The following RPS6KC1 variants were observed in gnomAD, a reference collection of about 807,000 sequenced individuals.
RPS6KC1 encodes the protein inactive ribosomal protein S6 kinase delta-1.
RPS6KC1 carries 54 observed loss-of-function variants against 103.8 expected under a neutral mutation model. The observed-to-expected ratio is 0.52, with a 90% CI of 0.42 to 0.65. The LOEUF (loss-of-function observed/expected upper bound fraction) is 0.65, where lower values mean the gene tolerates loss of function less well. RPS6KC1 is among the 30% of genes least tolerant of loss of function. RPS6KC1 has a pLI of 0.00. For synonymous variants in RPS6KC1, 439 were observed against 438.7 expected (o/e 1.00, Z -0.01); for missense variants, 1,151 against 1,253.8 (o/e 0.92, Z 1.24).
chr1:213,608,548 G>C, the RPS6KC1 span, among the ~76,000 whole-genome samples: 1 of 152,002 alleles, frequency 6.6e-6, no homozygotes, highest in South Asian at 2.1e-4. Context: ...TCGCTTCCTC[G>C]TGGAAACATA....
rs192861988 is a variant in RPS6KC1 at position 213,105,819 on chromosome 1, T to G, written c.378+1250T>G. Among the ~76,000 whole-genome samples, 5 of 152,348 alleles carry G rather than the reference T, an allele frequency of 3.3e-5. No homozygotes were observed. In the East Asian group the frequency reaches 9.6e-4, roughly 29 times the overall value. ...CTCTTTGCTGTTCTTTGTTAATAAT[T>G]GTTTCTATGTGTCAGGGAGTCTGTT... On this transcript the variant is annotated intron_variant, in intron 4 of 14. Coordinates refer to ENST00000366960, the MANE Select transcript of RPS6KC1 (RefSeq NM_012424.6).
chr1:213,790,085 G>A, the RPS6KC1 span, among the ~76,000 whole-genome samples: 3 of 152,204 alleles, frequency 2.0e-5, no homozygotes, highest in African/African-American at 7.2e-5. Context: ...GCTGACTGAG[G>A]AGGAGAGTTT....
chr1:213,272,232 A>G (rs945107232), intron 14 of RPS6KC1, among the ~76,000 whole-genome samples: 2 of 152,210 alleles, frequency 1.3e-5, no homozygotes, highest in African/African-American at 4.8e-5. Context: ...TAGGAAATTG[A>G]TAGGTATAAC....
chr1:213,334,475 C>T, the RPS6KC1 span, among the ~76,000 whole-genome samples: 1 of 152,326 alleles, frequency 6.6e-6, no homozygotes, highest in East Asian at 1.9e-4. Flanking sequence ...GTATCAGCAA[C>T]TCAGCTTTTC....
chr1:213,284,658 T>C, the RPS6KC1 span, among the ~76,000 whole-genome samples: 1 of 152,222 alleles, frequency 6.6e-6, no homozygotes, highest in South Asian at 2.1e-4. Flanking sequence ...ATGGAACTTG[T>C]TTAGTAGATC....
the RPS6KC1 span, among the ~76,000 whole-genome samples, chr1:213,678,273 G>A: frequency 6.6e-6 from 1 of 152,024 alleles, no homozygotes; most frequent in Non-Finnish European, 1.5e-5. Flanking sequence ...AAGGAAACAT[G>A]TGTTCAGAAG....
the RPS6KC1 span, among the ~76,000 whole-genome samples, chr1:213,430,223 C>T: frequency 6.6e-6 from 1 of 152,194 alleles, no homozygotes; most frequent in African/African-American, 2.4e-5. Context: ...TCGAGTCTAT[C>T]ATGATTCTTA....
the RPS6KC1 span, among the ~76,000 whole-genome samples, chr1:213,737,036 C>T: frequency 6.6e-6 from 1 of 152,210 alleles, no homozygotes; most frequent in Non-Finnish European, 1.5e-5. Context: ...CAGAGCAAAC[C>T]AGCTCCCGGC....
the RPS6KC1 span, among the ~76,000 whole-genome samples, chr1:213,431,424 T>C: frequency 3.3e-5 from 5 of 152,174 alleles, no homozygotes; most frequent in South Asian, 8.3e-4. Flanking sequence ...AGAAACTTAG[T>C]GGCTGCTCAC....
At chr1:213,681,783 G>C in the RPS6KC1 span, among the ~76,000 whole-genome samples, 1 of 152,152 alleles carries the variant, frequency 6.6e-6, no homozygotes, top group African/African-American at 2.4e-5. Flanking sequence ...GGGTGACAGA[G>C]TGAGACTGTC....
the RPS6KC1 span, among the ~76,000 whole-genome samples, chr1:213,762,188 C>T: frequency 1.2e-4 from 18 of 152,126 alleles, no homozygotes; most frequent in African/African-American, 4.3e-4. Context: ...GCAGTGCCCT[C>T]TGCCTAGCGT....
the RPS6KC1 span, among the ~76,000 whole-genome samples, chr1:213,811,301 G>A: frequency 6.6e-6 from 1 of 152,118 alleles, no homozygotes; most frequent in African/African-American, 2.4e-5. Flanking sequence ...ATTGAACGTG[G>A]CGGGGCTCGC....
chr1:213,854,618 T>C, the RPS6KC1 span, among the ~76,000 whole-genome samples: 1 of 151,706 alleles, frequency 6.6e-6, no homozygotes, highest in South Asian at 2.1e-4. Flanking sequence ...TCTACTCTTT[T>C]ATTCACCCTC....
chr1:213,668,216 G>A, the RPS6KC1 span, among the ~76,000 whole-genome samples: 1 of 151,304 alleles, frequency 6.6e-6, no homozygotes, highest in South Asian at 2.1e-4. Flanking sequence ...GACAGCTAAA[G>A]CCTTACAAAA....
At chr1:213,314,585 G>T in the RPS6KC1 span, among the ~76,000 whole-genome samples, 13 of 151,886 alleles carry the variant, frequency 8.6e-5, no homozygotes, top group South Asian at 2.7e-3. Context: ...CCTACCAAAG[G>T]CTCTGAGGAA....
At chr1:213,174,817 T>A (rs2091756130) in intron 7 of RPS6KC1, among the ~76,000 whole-genome samples, 1 of 151,698 alleles carries the variant, frequency 6.6e-6, no homozygotes, top group Non-Finnish European at 1.5e-5. Flanking sequence ...AATATATCCG[T>A]TTTTTTTATG....
the RPS6KC1 span, among the ~76,000 whole-genome samples, chr1:213,552,985 C>T: frequency 0.22 from 34,065 of 151,610 alleles, 3,913 homozygotes; most frequent in East Asian, 0.4. Flanking sequence ...GCAGATATTA[C>T]CATTCTTTTT....
the RPS6KC1 span, among the ~76,000 whole-genome samples, chr1:213,654,195 C>T: frequency 1.3e-5 from 2 of 152,188 alleles, no homozygotes; most frequent in Non-Finnish European, 2.9e-5. Flanking sequence ...AAATATATTT[C>T]TATCCCTGTC....
the RPS6KC1 span, among the ~76,000 whole-genome samples, chr1:213,451,415 G>A: frequency 6.6e-6 from 1 of 152,164 alleles, no homozygotes; most frequent in African/African-American, 2.4e-5. Context: ...ACTTATTCCA[G>A]GCCTGAAGGA....
Sources: gnomAD v4.1 joint callset for allele counts (sites outside exome capture counted in the v4.1 genomes callset) on GRCh38, gnomAD v4.1.1 for gene constraint, MANE v1.5 for transcripts, NCBI Gene and HGNC (gene_info 2026-07-23, HGNC 2026-07-21) for gene names.